PCDHA2: variants seen among roughly 807,000 people sequenced by gnomAD.
PCDHA2 encodes the protein protocadherin alpha 2.
PCDHA2 carries 58 observed loss-of-function variants against 66.0 expected under a neutral mutation model. That is an observed-to-expected ratio of 0.88 (90% confidence interval 0.71 to 1.09). The LOEUF (loss-of-function observed/expected upper bound fraction) is 1.09. PCDHA2 is among the 50% of genes least tolerant of loss of function. The pLI is 0.00. For missense variants in PCDHA2, 1,267 were observed against 1,242.3 expected (o/e 1.02, Z -0.30); for synonymous variants, 634 against 554.0 (o/e 1.14, Z -2.03).
intron 3 of PCDHA2, among the ~76,000 whole-genome samples, chr5:140,997,899 G>T (rs2097789789): frequency 6.6e-6 from 1 of 152,126 alleles, no homozygotes; most frequent in Non-Finnish European, 1.5e-5. Context: ...TAAATTTCAA[G>T]AAGTAGAATT....
rs1761966164 is a variant in PCDHA2, at chr5:140,795,527, TA to T, written c.565del (p.Ser189AlafsTer45). ...FFLDIQANDE[L>X]SESLSLVLGK... ...CTAGATATACAGGCAAATGATGAAC[TA>T]AGCGAATCTTTGTCTCTCGTGCTGG... On this transcript the variant is annotated frameshift_variant, in exon 1 of 4. Transcript: ENST00000526136. LOFTEE classifies it high-confidence loss of function. 6.2e-7 allele frequency: 1 copy of T among 1,614,188 alleles called. No individual in the cohort carries two copies. Among genetic ancestry groups the T allele is most frequent in the East Asian group, 2.2e-5 (1 of 44,880 alleles).
At chr5:140,819,788 G>A (rs1554127750) in intron 1 of PCDHA2, among the ~76,000 whole-genome samples, 1 of 151,984 alleles carries the variant, frequency 6.6e-6, no homozygotes. Context: ...AAGTACATGA[G>A]ATATTTTTTC....
At chr5:140,918,074 G>T (rs546551059) in intron 1 of PCDHA2, among the ~76,000 whole-genome samples, 1 of 152,096 alleles carries the variant, frequency 6.6e-6, no homozygotes, top group South Asian at 2.1e-4. Context: ...TCTTTCAGTA[G>T]TGTTTTATAA....
intron 1 of PCDHA2, chr5:140,855,934 G>A (rs1581379026): frequency 1.5e-6 from 2 of 1,294,846 alleles, no homozygotes; most frequent in South Asian, 1.5e-5. Flanking sequence ...GCGTCATTCT[G>A]AGATCTCAGC....
At chr5:140,838,077 AGTGTGTGTGTGTGTGTGTGTGT>A (rs57130401) in intron 1 of PCDHA2, among the ~76,000 whole-genome samples, 4 of 80,664 alleles carry the variant, frequency 5.0e-5, no homozygotes, top group Admixed American at 1.2e-4. Flanking sequence ...ATATATATAT[AGTGTGTGTGTGTGTGTGTGTGT>A]GTGTGTGTGT....
At position 140,795,487 on chromosome 5, in the gene PCDHA2, A is replaced by G; in HGVS notation, c.523A>G (p.Ser175Gly). The G allele has an allele frequency of 6.2e-7, 1 of 1,614,170 alleles. No individual in the cohort carries two copies. Among genetic ancestry groups the G allele is most frequent in the Non-Finnish European group, 8.5e-7 (1 of 1,180,034 alleles). The change falls in exon 1 of 4, where the codon AGT (serine) becomes GGT (glycine). Residue 175 changes from serine (S) to glycine (G), a missense_variant. By Grantham distance (56) the Ser-to-Gly change is moderately conservative (BLOSUM62 0). Transcript: ENST00000526136. ...NALLSYKLSS[S>G]EFFFLDIQAN... ...TCTTCTCTCCTACAAGCTCAGCTCC[A>G]GTGAGTTTTTCTTCCTAGATATACA...
In PCDHA2 at chr5:140,846,617, G is replaced by A. The variant is rs2150393003; in HGVS notation, c.2388+49265G>A. Among the ~76,000 whole-genome samples, 14 of 148,740 alleles carry A rather than the reference G, an allele frequency of 9.4e-5. 1 individual carries two copies. The highest frequency in any genetic ancestry group is 1.7e-4 in the African/African-American group (7 of 40,642). ...TCTCGATCTCCTGACCTCCTGATCC[G>A]CCCACTTCGGCCTCCTAAAGTGCTG... is the stretch of plus-strand genomic sequence containing the variant. On this transcript the variant is annotated intron_variant, in intron 1 of 3. Transcript: ENST00000526136.
intron 3 of PCDHA2, among the ~76,000 whole-genome samples, chr5:141,007,850 C>A (rs1299909821): frequency 6.6e-6 from 1 of 152,156 alleles, no homozygotes; most frequent in Non-Finnish European, 1.5e-5. Context: ...GACTCAAAGT[C>A]CTTAAAGGTC....
intron 1 of PCDHA2, chr5:140,850,381 G>C (rs2041568642): frequency 2.5e-6 from 4 of 1,597,894 alleles, no homozygotes; most frequent in Non-Finnish European, 3.4e-6. Flanking sequence ...CTGTACACGG[G>C]CGAGATCAGC....
chr5:140,989,893 A>T (rs1436233809), intron 3 of PCDHA2, among the ~76,000 whole-genome samples: 1 of 151,928 alleles, frequency 6.6e-6, no homozygotes, highest in Non-Finnish European at 1.5e-5. Context: ...AGTCTCCGTT[A>T]TTCACAATCA....
chr5:140,802,416 T>C (rs1762908947), intron 1 of PCDHA2: 4 of 1,614,218 alleles, frequency 2.5e-6, no homozygotes, highest in African/African-American at 2.7e-5. Flanking sequence ...TTACTACTCA[T>C]TGGTGCTGGA....
intron 1 of PCDHA2, among the ~76,000 whole-genome samples, chr5:140,887,337 C>T (rs2153419784): frequency 6.6e-6 from 1 of 152,268 alleles, no homozygotes; most frequent in East Asian, 1.9e-4. Flanking sequence ...ACCTCGTGAT[C>T]CACCTGGCTC....
intron 1 of PCDHA2, among the ~76,000 whole-genome samples, chr5:140,963,188 G>A (rs1333064851): frequency 6.6e-6 from 1 of 151,712 alleles, no homozygotes; most frequent in African/African-American, 2.4e-5. Context: ...GCTGTAGACT[G>A]TGAAAATGAA....
At chr5:140,941,255 C>CTTTCTT (rs782490896) in intron 1 of PCDHA2, among the ~76,000 whole-genome samples, 957 of 44,428 alleles carry the variant, frequency 0.022, 12 homozygotes, top group African/African-American at 0.028. Flanking sequence ...TTCTTTCTTT[C>CTTTCTT]TCTTTCTTTC....
In PCDHA2 at chr5:140,857,247, A is replaced by T. The variant is rs140390466; in HGVS notation, c.2388+59895A>T. 1.3e-4 allele frequency: 206 copies of T among 1,598,558 alleles called. 15 individuals carry two copies. The African/African-American group carries it at 2.2e-3, about 17-fold the overall frequency. On this transcript the variant is annotated intron_variant, in intron 1 of 3. Transcript: ENST00000526136. The stretch of plus-strand genomic sequence containing the variant: ...GTTCCGTTCAAGCTGGTGTCCACCT[A>T]CAAGAATTACTACTCATTGGTGCTG...
chr5:140,924,238 T>A (rs781820581), intron 1 of PCDHA2, among the ~76,000 whole-genome samples: 5 of 152,244 alleles, frequency 3.3e-5, no homozygotes, highest in Admixed American at 1.3e-4. Flanking sequence ...ATGGGCTGTT[T>A]TGCATCCTGG....
At chr5:140,943,248 ACT>A (rs1250099362) in intron 1 of PCDHA2, among the ~76,000 whole-genome samples, 2 of 133,008 alleles carry the variant, frequency 1.5e-5, no homozygotes, top group Non-Finnish European at 3.1e-5. Flanking sequence ...ACAGAGTGAG[ACT>A]CTGTCTCAAA....
intron 1 of PCDHA2, chr5:140,866,875 A>C (rs2049624381): frequency 6.6e-6 from 1 of 152,142 alleles, no homozygotes; most frequent in Admixed American, 6.5e-5. Flanking sequence ...ACTTCTTGGT[A>C]TTAGCCTATA....
intron 1 of PCDHA2, among the ~76,000 whole-genome samples, chr5:140,952,160 G>C (rs952147312): frequency 6.6e-6 from 1 of 152,044 alleles, no homozygotes; most frequent in Non-Finnish European, 1.5e-5. Flanking sequence ...GGCTTTGTGG[G>C]GTTCAGTTCC....
Sources: gnomAD v4.1 joint callset for allele counts (sites outside exome capture counted in the v4.1 genomes callset) on GRCh38, gnomAD v4.1.1 for gene constraint, MANE v1.5 for transcripts, NCBI Gene and HGNC (gene_info 2026-07-23, HGNC 2026-07-21) for gene names.